The following SH3PXD2B variants were observed in gnomAD, a reference collection of about 807,000 sequenced individuals.
SH3PXD2B encodes the protein SH3 and PX domains 2B.
In SH3PXD2B, 37 loss-of-function variants were observed where a neutral mutation model predicts 73.1. The observed-to-expected ratio is 0.51, with a 90% confidence interval of 0.39 to 0.67. SH3PXD2B has a LOEUF of 0.67. Among genes scored for constraint, SH3PXD2B ranks in the 30% least tolerant of loss-of-function variants. The pLI is 0.00. For synonymous variants in SH3PXD2B, 457 were observed against 480.5 expected (o/e 0.95, Z 0.64); for missense variants, 1,053 against 1,197.8 (o/e 0.88, Z 1.78).
intron 1 of SH3PXD2B, among the ~76,000 whole-genome samples, chr5:172,431,304 C>T (rs1759233871): frequency 6.6e-6 from 1 of 152,254 alleles, no homozygotes; most frequent in African/African-American, 2.4e-5. Context: ...CAGCTCCATC[C>T]AGAAGAGCTG....
rs770795977 is a variant in SH3PXD2B at position 172,397,612 on chromosome 5, G to A, written c.233-2973C>T. On this transcript the variant is annotated intron_variant, in intron 3 of 12. Transcript: ENST00000311601. ...TTTCCCTTTATTTCTCAGACTGGCC[G>A]ACACTTAGGGAAATAGAAAAGAACC... Among the ~76,000 whole-genome samples the A allele has an allele frequency of 8.6e-4, 131 of 152,094 alleles. 1 individual carries two copies. The highest frequency in any genetic ancestry group is 4.6e-4 in the Admixed American group (7 of 15,278).
intron 1 of SH3PXD2B, among the ~76,000 whole-genome samples, chr5:172,451,341 G>A (rs188886956): frequency 6.6e-6 from 1 of 152,318 alleles, no homozygotes; most frequent in East Asian, 1.9e-4. Flanking sequence ...TGACTTTATA[G>A]TCTATGGCGC....
intron 1 of SH3PXD2B, among the ~76,000 whole-genome samples, chr5:172,446,467 CTG>C (rs1284683376): frequency 6.6e-6 from 1 of 152,192 alleles, no homozygotes; most frequent in East Asian, 1.9e-4. Flanking sequence ...AAGGGGAAAA[CTG>C]AGTCATGCAA....
intron 2 of SH3PXD2B, among the ~76,000 whole-genome samples, chr5:172,407,510 G>T (rs1413442435): frequency 6.6e-6 from 1 of 152,208 alleles, no homozygotes; most frequent in Non-Finnish European, 1.5e-5. Context: ...GTATAGTGAG[G>T]TTATCTGCAT....
chr5:172,416,288 C>T (rs191707504), intron 2 of SH3PXD2B, among the ~76,000 whole-genome samples: 18 of 151,434 alleles, frequency 1.2e-4, no homozygotes, highest in African/African-American at 2.9e-4. Flanking sequence ...GTGATGGCGC[C>T]ACTGCACTCC....
At position 172,333,991 on chromosome 5, in the gene SH3PXD2B, C is replaced by G; in HGVS notation, c.*4378G>C. ...ATTGCTGATGTAAGCCTGGTGGGGGCACCTTCTTTTTTACATGAATAGGAC... is the reference window on the plus strand; with the variant it reads ...ATTGCTGATGTAAGCCTGGTGGGGGGACCTTCTTTTTTACATGAATAGGAC... On this transcript the variant is annotated 3_prime_UTR_variant, in exon 13 of 13. Coordinates refer to ENST00000311601, the MANE Select transcript of SH3PXD2B (RefSeq NM_001017995.3). 4 of 1,195,242 alleles carry G rather than the reference C, an allele frequency of 3.3e-6. No individual in the cohort carries two copies. The highest frequency in any genetic ancestry group is 4.2e-6 in the Non-Finnish European group (4 of 950,076). The allele number at this position is 1,195,242 out of a possible 1,614,324, so 74.0% of individuals were successfully genotyped here.
chr5:172,430,206 GA>G (rs1759202253), intron 1 of SH3PXD2B, among the ~76,000 whole-genome samples: 4 of 152,256 alleles, frequency 2.6e-5, no homozygotes, highest in Non-Finnish European at 1.5e-5. Context: ...ATTGTGAGCA[GA>G]AGGTCACAAA....
At chr5:172,412,680 C>G (rs1326629606) in intron 2 of SH3PXD2B, among the ~76,000 whole-genome samples, 1 of 152,168 alleles carries the variant, frequency 6.6e-6, no homozygotes, top group Non-Finnish European at 1.5e-5. Context: ...AACTGTAACA[C>G]TAGGCATCCA....
At chr5:172,365,717 A>G (rs1341310901) in intron 6 of SH3PXD2B, among the ~76,000 whole-genome samples, 2 of 152,182 alleles carry the variant, frequency 1.3e-5, no homozygotes, top group Non-Finnish European at 2.9e-5. Context: ...CCCCATTAAC[A>G]ATGAGCTTCT....
chr5:172,374,981 A>G (rs1343516775), intron 5 of SH3PXD2B, among the ~76,000 whole-genome samples: 1 of 152,248 alleles, frequency 6.6e-6, no homozygotes, highest in African/African-American at 2.4e-5. Context: ...TCAAGGTCAC[A>G]CAGCTAGCAA....
intron 8 of SH3PXD2B, among the ~76,000 whole-genome samples, chr5:172,356,348 T>A (rs1757277678): frequency 6.6e-6 from 1 of 152,146 alleles, no homozygotes; most frequent in South Asian, 2.1e-4. Flanking sequence ...TTTAGTGATA[T>A]AAGTCAATAC....
intron 2 of SH3PXD2B, among the ~76,000 whole-genome samples, chr5:172,413,999 C>G (rs1293578646): frequency 1.3e-5 from 2 of 152,340 alleles, no homozygotes; most frequent in East Asian, 3.9e-4. Flanking sequence ...GGAGTGAAAA[C>G]TCTTCAGTTC....
chr5:172,422,354 G>T, intron 2 of SH3PXD2B, 62 bp downstream of exon 2: 2 of 1,422,236 alleles, frequency 1.4e-6, no homozygotes, highest in Non-Finnish European at 1.9e-6. Flanking sequence ...AGCTGTAGTG[G>T]AATGTAAGTC....
At chr5:172,354,037 G>A (rs745647698) in intron 8 of SH3PXD2B, 32 bp from the exon 9 acceptor site, 1 of 1,591,430 alleles carries the variant, frequency 6.3e-7, no homozygotes, top group Admixed American at 1.7e-5. Context: ...GGGGTCAGAA[G>A]AGGACACCAA....
At chr5:172,356,211 T>C (rs1208379846) in intron 8 of SH3PXD2B, among the ~76,000 whole-genome samples, 2 of 152,092 alleles carry the variant, frequency 1.3e-5, no homozygotes, top group Non-Finnish European at 2.9e-5. Flanking sequence ...TTAAAGGTAC[T>C]TGAAACTGCT....
At chr5:172,328,403 C>T (rs1192547885) in intron 12 of SH3PXD2B, among the ~76,000 whole-genome samples, 2 of 152,248 alleles carry the variant, frequency 1.3e-5, no homozygotes, top group South Asian at 2.1e-4. Context: ...CGCACCCAGC[C>T]GCCTAGGCTG....
At chr5:172,344,588 CAAAAAAAAAA>C (rs756550290) in intron 12 of SH3PXD2B, among the ~76,000 whole-genome samples, 6 of 25,232 alleles carry the variant, frequency 2.4e-4, no homozygotes, top group South Asian at 2.3e-3. Context: ...GAGGCTCTGT[CAAAAAAAAAA>C]AAAAAAAAAA....
intron 7 of SH3PXD2B, among the ~76,000 whole-genome samples, chr5:172,360,879 G>A (rs1291529321): frequency 1.3e-5 from 2 of 152,128 alleles, no homozygotes; most frequent in Non-Finnish European, 2.9e-5. Context: ...TTAGGGTCCA[G>A]CTGTTTCACT....
rs929493766 is a variant in SH3PXD2B, at chr5:172,338,002, G to C, written c.*367C>G. ...ACTGTGCCATGTCCAAGCCATGAGA[G>C]ACCCTTGCTGGAGTTTCTCCAGGCA... On this transcript the variant is annotated 3_prime_UTR_variant, in exon 13 of 13. Transcript: ENST00000311601. The surrounding 1 kb of genome is among the most constrained non-coding windows in gnomAD (Gnocchi z 5.1). The C allele has an allele frequency of 8.4e-7, 1 of 1,190,940 alleles. No homozygotes were observed. Among genetic ancestry groups the C allele is most frequent in the South Asian group, 1.9e-5 (1 of 51,678 alleles). 73.8% of individuals were successfully genotyped at this position (1,190,940 alleles called of 1,614,324 possible).
Sources: gnomAD v4.1 joint callset for allele counts (sites outside exome capture counted in the v4.1 genomes callset) on GRCh38, gnomAD v4.1.1 for gene constraint, Gnocchi (gnomAD v3.1) non-coding constraint, MANE v1.5 for transcripts, NCBI Gene and HGNC (gene_info 2026-07-23, HGNC 2026-07-21) for gene names.